The following LHPP variants were observed in gnomAD, a reference collection of about 807,000 sequenced individuals.
LHPP encodes the protein hLHPP.
A neutral mutation model predicts 30.3 loss-of-function variants in LHPP; 24 were observed. The observed-to-expected ratio is 0.79, with a 90% CI of 0.57 to 1.11. The LOEUF (loss-of-function observed/expected upper bound fraction) is 1.11. Ranked by LOEUF, LHPP falls within the 50% of genes most tolerant of loss-of-function variation. The pLI, the probability that LHPP is intolerant of heterozygous loss-of-function variation, is 0.00. For missense variants in LHPP, 356 were observed against 367.2 expected, an observed-to-expected ratio of 0.97 and a Z score of 0.25; for synonymous variants, 150 against 157.1, an observed-to-expected ratio of 0.95 and a Z score of 0.34.
At chr10:124,585,343 G>A (rs1024771866) in intron 6 of LHPP, among the ~76,000 whole-genome samples, 5 of 152,036 alleles carry the variant, frequency 3.3e-5, no homozygotes, top group African/African-American at 1.2e-4. Flanking sequence ...GGCCAGGAGC[G>A]GTGGCTCGTG....
chr10:124,500,412 C>T (rs1482591833), intron 5 of LHPP, among the ~76,000 whole-genome samples: 3 of 151,970 alleles, frequency 2.0e-5, no homozygotes, highest in Non-Finnish European at 4.4e-5. Flanking sequence ...GTGGAGGTTG[C>T]AGTGAGCCGA....
intron 5 of LHPP, among the ~76,000 whole-genome samples, chr10:124,511,172 A>C (rs974606942): frequency 1.3e-5 from 2 of 152,210 alleles, no homozygotes; most frequent in African/African-American, 4.8e-5. Context: ...CACTAGCTCT[A>C]TTTACTTCAC....
rs921683468 is a variant in LHPP, at chr10:124,517,714, G to A, written c.716+443G>A. Among the ~76,000 whole-genome samples the A allele has an allele frequency of 6.6e-6, 1 of 152,184 alleles. No homozygotes were observed. Among genetic ancestry groups the A allele is most frequent in the Admixed American group, 6.5e-5 (1 of 15,284 alleles). On this transcript the variant is annotated intron_variant, in intron 6 of 6. Coordinates refer to ENST00000368842, the MANE Select transcript of LHPP (RefSeq NM_022126.4). The surrounding 1 kb of genome is among the most constrained non-coding windows in gnomAD (Gnocchi z 4.1). The stretch of plus-strand genomic sequence containing the variant: ...TGTAAGACACAGAGAGCCTGGAGAC[G>A]ACAGAGGGTTGCTCAGGCATGCCCT...
chr10:124,556,454 C>G (rs981456710), intron 6 of LHPP, among the ~76,000 whole-genome samples: 3 of 152,220 alleles, frequency 2.0e-5, no homozygotes, highest in African/African-American at 7.2e-5. Context: ...GTTTCCAATT[C>G]TTCATTATTG....
rs1949227010 is a variant in LHPP, at chr10:124,613,308, T to C, written c.761T>C (p.Val254Ala). ...HHPEVKADGY[V>A]DNLAEAVDLL... ...CCGGAAGTGAAGGCTGATGGGTACGTGGACAACCTCGCAGAGGCAGTGGAC... is the reference window on the plus strand; with the variant it reads ...CCGGAAGTGAAGGCTGATGGGTACGCGGACAACCTCGCAGAGGCAGTGGAC... Residue 254 changes from valine to alanine, a missense_variant, in exon 7 of 7, where the codon GTG becomes GCG. Coordinates refer to ENST00000368842, the MANE Select transcript of LHPP (RefSeq NM_022126.4). 1 of 1,613,550 alleles carries C rather than the reference T, an allele frequency of 6.2e-7. No homozygotes were observed. Among genetic ancestry groups the C allele is most frequent in the Non-Finnish European group, 8.5e-7 (1 of 1,179,988 alleles).
intron 5 of LHPP, among the ~76,000 whole-genome samples, chr10:124,513,979 C>T (rs989549375): frequency 7.2e-5 from 11 of 152,284 alleles, no homozygotes; most frequent in Admixed American, 2.6e-4. Context: ...CCAGCCGTGC[C>T]GTAATGCAGA....
chr10:124,604,846 TG>T (rs1949071495), intron 6 of LHPP, among the ~76,000 whole-genome samples: 2 of 152,220 alleles, frequency 1.3e-5, no homozygotes, highest in Admixed American at 6.5e-5. Context: ...GGTAGGCAGC[TG>T]TTGCGGCCTC....
At chr10:124,470,600 G>A (rs1026867375) in intron 1 of LHPP, among the ~76,000 whole-genome samples, 1 of 151,804 alleles carries the variant, frequency 6.6e-6, no homozygotes, top group Non-Finnish European at 1.5e-5. Flanking sequence ...GGCTTCCCTG[G>A]TACCATCCAG....
Position 124,581,634 on chromosome 10 carries a change from G to T in LHPP, c.717-31630G>T, listed in dbSNP as rs187732759. On this transcript the variant is annotated intron_variant, in intron 6 of 6. Coordinates refer to ENST00000368842, the MANE Select transcript of LHPP (RefSeq NM_022126.4). ...GAAGTACTATCTCATTCAGATTTTG[G>T]TTTGCAATTCCCTACAATGATGACT... Among the ~76,000 whole-genome samples the T allele has an allele frequency of 5.6e-4, 85 of 152,202 alleles. 2 individuals are homozygous for T. The East Asian group carries it at 0.016, about 28-fold the overall frequency.
At chr10:124,602,564 C>T (rs1165213150) in intron 6 of LHPP, among the ~76,000 whole-genome samples, 3 of 152,134 alleles carry the variant, frequency 2.0e-5, no homozygotes, top group African/African-American at 7.2e-5. Context: ...CTCGGTTTAC[C>T]CACTAGGGCT....
chr10:124,515,513 C>T (rs761066487), intron 5 of LHPP, among the ~76,000 whole-genome samples: 12 of 152,202 alleles, frequency 7.9e-5, no homozygotes, highest in Non-Finnish European at 1.6e-4. Flanking sequence ...TCCTTCTTTG[C>T]ACGTCTGATC....
intron 5 of LHPP, among the ~76,000 whole-genome samples, chr10:124,513,367 A>G: frequency 6.6e-6 from 1 of 150,556 alleles, no homozygotes; most frequent in Non-Finnish European, 1.5e-5. Context: ...GCTTTTAATC[A>G]GATTTTGGAG....
chr10:124,547,757 C>T (rs1955389781), intron 6 of LHPP, among the ~76,000 whole-genome samples: 1 of 152,260 alleles, frequency 6.6e-6, no homozygotes, highest in Admixed American at 6.5e-5. Context: ...ATCGGGCGTC[C>T]TGGGCCCTGG....
intron 6 of LHPP, among the ~76,000 whole-genome samples, chr10:124,577,150 C>G (rs1948674547): frequency 6.6e-6 from 1 of 152,158 alleles, no homozygotes; most frequent in South Asian, 2.1e-4. Flanking sequence ...CAGGTGGGTC[C>G]GTGCTGGACC....
intron 6 of LHPP, among the ~76,000 whole-genome samples, chr10:124,567,721 G>A (rs1300138145): frequency 2.0e-5 from 3 of 152,178 alleles, no homozygotes; most frequent in Non-Finnish European, 4.4e-5. Flanking sequence ...GGTTAGACAC[G>A]CATATGCACA....
Position 124,606,711 on chromosome 10 carries a change from GGGGCCTGGGCT to G in LHPP, c.717-6543_717-6533del, listed in dbSNP as rs748558659. ...ACAGAGCAGGGTGCTCAGCTGTCTGGGGGCCTGGGCTGGGCCTGGGGCAGGGGGAGGAGCAG... is the reference window on the plus strand; with the variant it reads ...ACAGAGCAGGGTGCTCAGCTGTCTGGGGGCCTGGGGCAGGGGGAGGAGCAG... On this transcript the variant is annotated intron_variant, in intron 6 of 6. Transcript: ENST00000368842. Among the ~76,000 whole-genome samples, 509 of 152,382 alleles carry G rather than the reference GGGGCCTGGGCT, an allele frequency of 3.3e-3. 1 individual carries two copies. The highest frequency in any genetic ancestry group is 3.2e-3 in the Non-Finnish European group (220 of 68,030).
At chr10:124,482,841 CTT>C (rs914188994) in intron 1 of LHPP, among the ~76,000 whole-genome samples, 16 of 152,326 alleles carry the variant, frequency 1.1e-4, no homozygotes, top group African/African-American at 3.8e-4. Flanking sequence ...GCGTCTCTCT[CTT>C]CTCAGTCACA....
intron 6 of LHPP, among the ~76,000 whole-genome samples, chr10:124,534,976 C>T (rs1954987517): frequency 6.6e-6 from 1 of 152,338 alleles, no homozygotes; most frequent in Non-Finnish European, 1.5e-5. Context: ...TTCCTGGGTC[C>T]TCGGCGCCTA....
chr10:124,603,752 AAT>A, intron 6 of LHPP, among the ~76,000 whole-genome samples: 1 of 152,108 alleles, frequency 6.6e-6, no homozygotes, highest in Middle Eastern at 3.4e-3. Context: ...AGCTGGCTTC[AAT>A]GGCAGGAGGT....
Sources: gnomAD v4.1 joint callset for allele counts (sites outside exome capture counted in the v4.1 genomes callset) on GRCh38, gnomAD v4.1.1 for gene constraint, Gnocchi (gnomAD v3.1) non-coding constraint, MANE v1.5 for transcripts, NCBI Gene and HGNC (gene_info 2026-07-23, HGNC 2026-07-21) for gene names.